Variants in PTPRD observed in about 807,000 individuals in gnomAD.
PTPRD encodes the protein receptor-type tyrosine-protein phosphatase delta.
In PTPRD, 34 loss-of-function variants were observed where a neutral mutation model predicts 214.5. The observed-to-expected ratio is 0.16, with a 90% CI of 0.12 to 0.21. PTPRD has a LOEUF of 0.21. Ranked by LOEUF, PTPRD falls within the 10% of genes least tolerant of loss-of-function variation. The pLI, the probability that PTPRD is intolerant of heterozygous loss-of-function variation, is 1.00. For missense variants in PTPRD, 2,545 were observed against 2,398.7 expected, an observed-to-expected ratio of 1.06 and a Z score of -1.27; for synonymous variants, 1,128 against 845.7, an observed-to-expected ratio of 1.33 and a Z score of -5.79.
At chr9:10,398,628 A>G (rs1274870569) in intron 2 of PTPRD, among the ~76,000 whole-genome samples, 1 of 151,964 alleles carries the variant, frequency 6.6e-6, no homozygotes, top group Admixed American at 6.6e-5. Context: ...TGCTTCTTAT[A>G]ATTCAGTGTA....
Position 8,785,072 on chromosome 9 carries a change from C to A in PTPRD, c.-103-51126G>T, listed in dbSNP as rs551720642. 2.2e-4 allele frequency among the ~76,000 whole-genome samples: 34 copies of A among 152,250 alleles called. No homozygotes were observed. The East Asian group carries it at 5.6e-3, about 25-fold the overall frequency. On this transcript the variant is annotated intron_variant, in intron 11 of 45. Coordinates refer to ENST00000381196, the MANE Select transcript of PTPRD (RefSeq NM_002839.4). ...AAAAGAGAAAACCCTTGACAGCTAA[C>A]AGCTGGGCTCCTTATGAAGCTGTTC...
chr9:9,513,668 C>A (rs151255280), intron 8 of PTPRD, among the ~76,000 whole-genome samples: 6 of 151,606 alleles, frequency 4.0e-5, no homozygotes, highest in African/African-American at 7.2e-5. Context: ...TTCCCCAAAC[C>A]TTTCATGAAA....
At chr9:9,846,647 A>C (rs563667840) in intron 5 of PTPRD, among the ~76,000 whole-genome samples, 4 of 152,222 alleles carry the variant, frequency 2.6e-5, no homozygotes, top group African/African-American at 9.6e-5. Context: ...TTGTATTGTG[A>C]AGACAGAGCA....
intron 3 of PTPRD, among the ~76,000 whole-genome samples, chr9:10,268,580 C>T (rs1314961678): frequency 6.6e-6 from 1 of 152,042 alleles, no homozygotes; most frequent in Non-Finnish European, 1.5e-5. Flanking sequence ...ATAGATTGAT[C>T]TTTCTATTTC....
chr9:8,486,142 A>G lies in PTPRD; in HGVS notation c.2675T>C (p.Val892Ala), dbSNP rs151005956. ...TTTGTTTCTGGCTGAGAGCCTGAAGACGTATGATGCTCCCTTGTGGATGTC... is the reference window on the plus strand; with the variant it reads ...TTTGTTTCTGGCTGAGAGCCTGAAGGCGTATGATGCTCCCTTGTGGATGTC... ...ATDIHKGASY[V>A]FRLSARNKVG... The change falls in exon 28 of 46, where the codon GTC becomes GCC. Residue 892 changes from valine to alanine, a missense_variant. Physicochemically the swap from Val to Ala is moderately conservative, Grantham distance 64. Transcript: ENST00000381196. The G allele has an allele frequency of 3.7e-3, 5,921 of 1,614,146 alleles. 24 individuals are homozygous for G. The highest frequency in any genetic ancestry group is 4.4e-3 in the Non-Finnish European group (5,154 of 1,180,014).
intron 4 of PTPRD, among the ~76,000 whole-genome samples, chr9:10,011,103 T>C (rs1422403796): frequency 6.6e-6 from 1 of 151,914 alleles, no homozygotes; most frequent in Non-Finnish European, 1.5e-5. Flanking sequence ...CCACAATCCC[T>C]TCACCACACC....
chr9:9,932,199 C>G (rs1188135226), intron 5 of PTPRD, among the ~76,000 whole-genome samples: 1 of 151,008 alleles, frequency 6.6e-6, no homozygotes, highest in African/African-American at 2.5e-5. Flanking sequence ...CGCAGTTCCT[C>G]ACCAGCAAAA....
chr9:9,481,488 G>A (rs1459231475), intron 8 of PTPRD, among the ~76,000 whole-genome samples: 1 of 152,120 alleles, frequency 6.6e-6, no homozygotes, highest in Non-Finnish European at 1.5e-5. Flanking sequence ...TAGGACTAGT[G>A]TCTAGTGCCC....
intron 2 of PTPRD, among the ~76,000 whole-genome samples, chr9:10,539,470 C>T (rs1367749201): frequency 6.6e-6 from 1 of 152,196 alleles, no homozygotes; most frequent in Non-Finnish European, 1.5e-5. Context: ...CAGGCGTGAG[C>T]CACCACGCCT....
intron 7 of PTPRD, among the ~76,000 whole-genome samples, chr9:9,698,929 A>C (rs547389235): frequency 6.6e-6 from 1 of 152,176 alleles, no homozygotes; most frequent in Admixed American, 6.6e-5. Context: ...CTCACATATA[A>C]ATGGTGATAT....
At chr9:9,581,865 A>ATATT (rs2090879019) in intron 7 of PTPRD, among the ~76,000 whole-genome samples, 2 of 152,272 alleles carry the variant, frequency 1.3e-5, no homozygotes, top group African/African-American at 2.4e-5. Context: ...TATTCCACAA[A>ATATT]TATTTACTAA....
At chr9:10,539,051 T>A (rs901862062) in intron 2 of PTPRD, among the ~76,000 whole-genome samples, 2 of 152,228 alleles carry the variant, frequency 1.3e-5, no homozygotes, top group Non-Finnish European at 2.9e-5. Flanking sequence ...TCTTTCCACA[T>A]TAATGCAAAT....
At chr9:9,321,783 CTA>C (rs1370830644) in intron 9 of PTPRD, among the ~76,000 whole-genome samples, 1 of 152,080 alleles carries the variant, frequency 6.6e-6, no homozygotes, top group Non-Finnish European at 1.5e-5. Context: ...GTAGCAGGGT[CTA>C]TGTCATATGG....
At chr9:9,818,586 T>C (rs1309940903) in intron 5 of PTPRD, among the ~76,000 whole-genome samples, 6 of 152,238 alleles carry the variant, frequency 3.9e-5, no homozygotes, top group Admixed American at 2.0e-4. Context: ...GTGATTGTGA[T>C]TGCCATTAGA....
intron 3 of PTPRD, among the ~76,000 whole-genome samples, chr9:10,130,819 T>C (rs1296345403): frequency 6.6e-6 from 1 of 152,136 alleles, no homozygotes; most frequent in East Asian, 1.9e-4. Context: ...AATTGTACTT[T>C]ACGTTAGGCA....
chr9:8,696,575 A>C (rs1204465132), intron 12 of PTPRD, among the ~76,000 whole-genome samples: 1 of 152,160 alleles, frequency 6.6e-6, no homozygotes, highest in Non-Finnish European at 1.5e-5. Context: ...GCATCACAGA[A>C]GAGGGGGCAG....
chr9:8,722,958 G>T (rs72702305), intron 12 of PTPRD, among the ~76,000 whole-genome samples: 44 of 152,316 alleles, frequency 2.9e-4, no homozygotes, highest in Admixed American at 9.1e-4. Context: ...TGATCAGGAG[G>T]TTGTATCAAA....
At chr9:9,675,485 A>T in intron 7 of PTPRD, among the ~76,000 whole-genome samples, 1 of 151,930 alleles carries the variant, frequency 6.6e-6, no homozygotes. Context: ...AATACAAGAA[A>T]TTATAAAAAA....
intron 11 of PTPRD, among the ~76,000 whole-genome samples, chr9:8,967,671 A>C (rs1282423869): frequency 1.3e-5 from 2 of 152,172 alleles, no homozygotes; most frequent in African/African-American, 4.8e-5. Flanking sequence ...CATAACATGC[A>C]AAAAATAAAA....
Sources: allele counts gnomAD v4.1 joint callset (sites outside exome capture counted in the v4.1 genomes callset), GRCh38; gene constraint gnomAD v4.1.1; transcripts MANE v1.5; gene names NCBI Gene and HGNC (gene_info 2026-07-23, HGNC 2026-07-21).